The following RASEF variants were observed in gnomAD, a reference collection of about 807,000 sequenced individuals.
The protein encoded by RASEF is ras and EF-hand domain-containing protein.
RASEF carries 68 observed loss-of-function variants against 90.1 expected under a neutral mutation model. The observed-to-expected ratio is 0.75, with a 90% CI of 0.62 to 0.92. RASEF has a LOEUF of 0.92. Ranked by LOEUF, RASEF falls within the 40% of genes least tolerant of loss-of-function variation. The probability of loss-of-function intolerance (pLI) is 0.00; values close to 1 mark genes in which losing one functional copy is unlikely to be tolerated. For synonymous variants in RASEF, 331 were observed against 345.2 expected (o/e 0.96, Z 0.46); for missense variants, 949 against 937.2 (o/e 1.01, Z -0.16).
chr9:83,004,790 C>T (rs1413484497), intron 8 of RASEF, among the ~76,000 whole-genome samples: 3 of 152,160 alleles, frequency 2.0e-5, no homozygotes, highest in Non-Finnish European at 2.9e-5. Flanking sequence ...TGCCATAGTA[C>T]GCTCTCCTCC....
At chr9:83,134,008 A>G in the RASEF span, among the ~76,000 whole-genome samples, 2 of 152,194 alleles carry the variant, frequency 1.3e-5, no homozygotes, top group Non-Finnish European at 2.9e-5. Flanking sequence ...TCACTTCAGG[A>G]TTCTGCACTA....
At position 83,062,895 on chromosome 9, in the gene RASEF, C is replaced by T; in HGVS notation, c.-28G>A. 4 of 1,416,744 alleles carry T rather than the reference C, an allele frequency of 2.8e-6. No individual in the cohort carries two copies. Among genetic ancestry groups the T allele is most frequent in the Non-Finnish European group, 3.6e-6 (4 of 1,098,278 alleles). 87.8% of individuals were successfully genotyped at this position (1,416,744 alleles called of 1,614,324 possible). ...CGCCTGGCGGGGGCGGCCGAGAGGG[C>T]TCCGGAGCGCCGCGGGGCGCAGGGC... On this transcript the variant is annotated 5_prime_UTR_variant, in exon 1 of 17. Transcript: ENST00000376447.
At chr9:83,127,232 T>C in the RASEF span, among the ~76,000 whole-genome samples, 1 of 152,204 alleles carries the variant, frequency 6.6e-6, no homozygotes, top group Non-Finnish European at 1.5e-5. Context: ...TAATGTCAAA[T>C]TAAAATAACT....
the RASEF span, among the ~76,000 whole-genome samples, chr9:83,133,124 AAAAG>A: frequency 6.6e-6 from 1 of 152,292 alleles, no homozygotes; most frequent in South Asian, 2.1e-4. Context: ...CTCTAAGAAA[AAAAG>A]AAAGAGAGAG....
Position 83,007,480 on chromosome 9 carries a change from T to G in RASEF, c.985A>C (p.Thr329Pro). The G allele has an allele frequency of 6.2e-7, 1 of 1,613,302 alleles. No homozygotes were observed. The highest frequency in any genetic ancestry group is 8.5e-7 in the Non-Finnish European group (1 of 1,179,206). Reference sequence around the variant, plus strand: ...CTCTCAAGACTATTTCGATCTTCTGTGTATGCTCGGATTATTTCCAGATCC... The same window carrying G: ...CTCTCAAGACTATTTCGATCTTCTGGGTATGCTCGGATTATTTCCAGATCC... ...ERDLEIIRAY[T>P]EDRNSLERQI... The change falls in exon 7 of 17, where the codon ACA becomes CCA. Residue 329 changes from threonine to proline, a missense_variant. Thr to Pro is a conservative substitution (Grantham distance 38). Transcript: ENST00000376447.
chr9:83,078,046 A>G, the RASEF span, among the ~76,000 whole-genome samples: 1 of 152,222 alleles, frequency 6.6e-6, no homozygotes, highest in African/African-American at 2.4e-5. Context: ...CTCAAAGGAT[A>G]GTTCCTGGGG....
chr9:83,108,586 A>C, the RASEF span, among the ~76,000 whole-genome samples: 1 of 152,334 alleles, frequency 6.6e-6, no homozygotes, highest in East Asian at 1.9e-4. Flanking sequence ...CCAAGAAAAC[A>C]CAGCTTCTTA....
Position 82,998,351 on chromosome 9 carries a change from C to A in RASEF, c.1805+14G>T, listed in dbSNP as rs751120620. ...AAACCCAGGATATCCCATAGCGCTG[C>A]GGAATGCACTTGCCTCTCCTGACCA... is the stretch of plus-strand genomic sequence containing the variant. On this transcript the variant is annotated intron_variant, in intron 13 of 16. Transcript: ENST00000376447. 1.3e-6 allele frequency: 2 copies of A among 1,579,350 alleles called. No homozygotes were observed. The highest frequency in any genetic ancestry group is 1.7e-6 in the Non-Finnish European group (2 of 1,148,700).
In RASEF at chr9:83,058,172, C is replaced by CTTTT. The variant is rs555842009; in HGVS notation, c.431+4261_431+4264dup. 5.2e-4 allele frequency among the ~76,000 whole-genome samples: 30 copies of CTTTT among 57,898 alleles called. 2 individuals carry two copies. Among genetic ancestry groups the CTTTT allele is most frequent in the East Asian group, 1.2e-3 (2 of 1,720 alleles). The allele number at this position is 57,898 out of a possible 152,430, so 38.0% of individuals were successfully genotyped here. On this transcript the variant is annotated intron_variant, in intron 1 of 16. Transcript: ENST00000376447. ...CGGCTCACTCCTGATGTATTTATGT[C>CTTTT]TTTTTTTTTTTTTTTTTTTTTTTTT...
At position 82,982,380 on chromosome 9, in the gene RASEF, A is replaced by G; in HGVS notation, c.*297T>C. ...TTTCCTCTACAGCTTTGATCTGAGC[A>G]TGTGATTTCTTTTCTTTTCTTTTTT... On this transcript the variant is annotated 3_prime_UTR_variant, in exon 17 of 17. Coordinates refer to ENST00000376447, the MANE Select transcript of RASEF (RefSeq NM_152573.4). 1 of 163,114 alleles carries G rather than the reference A, an allele frequency of 6.1e-6. No individual in the cohort carries two copies. Among genetic ancestry groups the G allele is most frequent in the Non-Finnish European group, 1.2e-5 (1 of 84,170 alleles). 10.1% of individuals were successfully genotyped at this position (163,114 alleles called of 1,614,324 possible).
chr9:83,041,197 T>C (rs1302815560), intron 1 of RASEF, among the ~76,000 whole-genome samples: 1 of 152,256 alleles, frequency 6.6e-6, no homozygotes, highest in East Asian at 1.9e-4. Flanking sequence ...AAAGGTTACA[T>C]TAGTTTTCTA....
the RASEF span, among the ~76,000 whole-genome samples, chr9:83,108,818 A>G: frequency 2.2e-4 from 33 of 152,170 alleles, no homozygotes; most frequent in Non-Finnish European, 1.5e-4. Context: ...GTGACAGCCA[A>G]TAACAGTTAT....
chr9:83,017,413 T>C (rs996646987), intron 3 of RASEF, among the ~76,000 whole-genome samples: 1 of 149,990 alleles, frequency 6.7e-6, no homozygotes, highest in African/African-American at 2.5e-5. Context: ...GGCAGGAGAA[T>C]GGCGTGAACC....
intron 1 of RASEF, among the ~76,000 whole-genome samples, chr9:83,029,346 G>GC (rs1314630424): frequency 2.0e-5 from 3 of 151,494 alleles, no homozygotes; most frequent in Non-Finnish European, 4.4e-5. Context: ...GTTAAGCCTG[G>GC]CCCCAAGGTG....
Position 82,990,486 on chromosome 9 carries a change from C to T in RASEF, c.2041-19G>A, listed in dbSNP as rs1828792748. 6.3e-7 allele frequency: 1 copy of T among 1,575,876 alleles called. No individual in the cohort carries two copies. On this transcript the variant is annotated intron_variant, in intron 15 of 16. Coordinates refer to ENST00000376447, the MANE Select transcript of RASEF (RefSeq NM_152573.4). ...CATACGTCTGTAAAAAAGAAATACA[C>T]ACAATTAAATGAAGCCCTTCATTGA... is the stretch of plus-strand genomic sequence containing the variant.
chr9:83,099,225 G>C, the RASEF span, among the ~76,000 whole-genome samples: 23 of 152,164 alleles, frequency 1.5e-4, no homozygotes, highest in Non-Finnish European at 2.9e-4. Flanking sequence ...CTCTACATAA[G>C]TGACTACAAA....
upstream of RASEF, among the ~76,000 whole-genome samples, chr9:83,067,593 G>A (rs1830292446): frequency 6.6e-6 from 1 of 152,146 alleles, no homozygotes; most frequent in Admixed American, 6.5e-5. Flanking sequence ...GCATTGTTGT[G>A]TATGTGTTGT....
chr9:83,177,436 G>A, the RASEF span, among the ~76,000 whole-genome samples: 12 of 152,028 alleles, frequency 7.9e-5, no homozygotes, highest in Admixed American at 2.6e-4. Flanking sequence ...TCTGTATATC[G>A]TCTTCATTTT....
the RASEF span, among the ~76,000 whole-genome samples, chr9:83,212,832 G>T: frequency 6.6e-6 from 1 of 152,186 alleles, no homozygotes. Context: ...CAAAGGGAAT[G>T]GTTCACGCAA....
Sources: gnomAD v4.1 joint callset for allele counts (sites outside exome capture counted in the v4.1 genomes callset) on GRCh38, gnomAD v4.1.1 for gene constraint, MANE v1.5 for transcripts, NCBI Gene and HGNC (gene_info 2026-07-23, HGNC 2026-07-21) for gene names.